Variants in KIF13B observed in about 807,000 individuals in gnomAD.
KIF13B encodes kinesin-like protein KIF13B.
Under a neutral mutation model 222.0 loss-of-function variants are expected in KIF13B, and 127 were observed. The observed-to-expected ratio is 0.57, with a 90% CI of 0.50 to 0.66. The LOEUF is 0.66. Among genes scored for constraint, KIF13B ranks in the 30% least tolerant of loss-of-function variants. The probability of loss-of-function intolerance (pLI) is 0.00; values close to 1 mark genes in which losing one functional copy is unlikely to be tolerated. For synonymous variants in KIF13B, 976 were observed against 919.0 expected (o/e 1.06, Z -1.12); for missense variants, 2,173 against 2,379.0 (o/e 0.91, Z 1.80).
chr8:29,251,044 G>A (rs1259321269), intron 1 of KIF13B, among the ~76,000 whole-genome samples: 2 of 152,054 alleles, frequency 1.3e-5, no homozygotes, highest in South Asian at 2.1e-4. Context: ...CCAGCTACTC[G>A]GGAGGCCAAG....
chr8:29,176,033 A>C, intron 10 of KIF13B, 35 bp downstream of exon 10: 2 of 1,288,378 alleles, frequency 1.6e-6, no homozygotes, highest in East Asian at 4.6e-5. Context: ...CCAACCACCA[A>C]AAGTATGCCA....
Position 29,186,007 on chromosome 8 carries a change from C to T in KIF13B, c.497+285G>A, listed in dbSNP as rs538394311. Reference sequence around the variant, plus strand: ...TGAGAATCTTTAAAAACTCACTGTCCTAAAGACTAGGTTTCATCTCTCTGA... The same window carrying T: ...TGAGAATCTTTAAAAACTCACTGTCTTAAAGACTAGGTTTCATCTCTCTGA... On this transcript the variant is annotated intron_variant, in intron 6 of 39. Transcript: ENST00000524189. Among the ~76,000 whole-genome samples, 5 of 152,250 alleles carry T rather than the reference C, an allele frequency of 3.3e-5. No homozygotes were observed. The South Asian group carries it at 1.0e-3, about 32-fold the overall frequency.
intron 29 of KIF13B, among the ~76,000 whole-genome samples, chr8:29,120,274 A>T (rs1205992856): frequency 1.8e-5 from 2 of 113,200 alleles, no homozygotes; most frequent in Non-Finnish European, 3.5e-5. Flanking sequence ...GGTGCGCTGC[A>T]CCCACTAACG....
intron 2 of KIF13B, among the ~76,000 whole-genome samples, chr8:29,227,574 G>A (rs1815080659): frequency 6.6e-6 from 1 of 152,128 alleles, no homozygotes. Context: ...TGTATTTTAT[G>A]TTTTTGAAAG....
chr8:29,150,415 G>T, intron 14 of KIF13B, 32 bp from the exon 15 acceptor site: 1 of 1,053,386 alleles, frequency 9.5e-7, no homozygotes, highest in South Asian at 1.3e-5. Context: ...CGTGAATGAT[G>T]AGTACAGTAT....
At chr8:29,128,961 C>G (rs1810231549) in intron 24 of KIF13B, among the ~76,000 whole-genome samples, 1 of 152,212 alleles carries the variant, frequency 6.6e-6, no homozygotes, top group African/African-American at 2.4e-5. Context: ...CTTCTGCAAC[C>G]TGTTCTCTTC....
chr8:29,259,496 C>T (rs1816605475), intron 1 of KIF13B, among the ~76,000 whole-genome samples: 1 of 152,210 alleles, frequency 6.6e-6, no homozygotes, highest in East Asian at 1.9e-4. Flanking sequence ...CAGATTTACA[C>T]ACAGGAAATC....
At chr8:29,138,112 G>A (rs1173897768) in intron 21 of KIF13B, among the ~76,000 whole-genome samples, 1 of 152,194 alleles carries the variant, frequency 6.6e-6, no homozygotes, top group Non-Finnish European at 1.5e-5. Flanking sequence ...CACTTCGAGA[G>A]GCTGAGACAG....
At chr8:29,149,411 C>T (rs778396550) in intron 15 of KIF13B, among the ~76,000 whole-genome samples, 3 of 152,166 alleles carry the variant, frequency 2.0e-5, no homozygotes, top group Non-Finnish European at 1.5e-5. Flanking sequence ...TGGAGCACAC[C>T]GACCAGTGAC....
chr8:29,177,031 C>T (rs998160097), intron 9 of KIF13B, among the ~76,000 whole-genome samples: 5 of 152,210 alleles, frequency 3.3e-5, no homozygotes, highest in Non-Finnish European at 7.3e-5. Context: ...TAGCTTTGAT[C>T]CTCTCTATAG....
intron 37 of KIF13B, among the ~76,000 whole-genome samples, chr8:29,092,113 T>C (rs1376305394): frequency 6.6e-6 from 1 of 152,244 alleles, no homozygotes; most frequent in Non-Finnish European, 1.5e-5. Flanking sequence ...AAATAAATCC[T>C]CATTTATCAT....
At chr8:29,150,179 A>G (rs896283255) in intron 15 of KIF13B, 118 bp downstream of exon 15, 6 of 620,524 alleles carry the variant, frequency 9.7e-6, no homozygotes, top group Admixed American at 5.4e-5. Context: ...CAGCAAATAT[A>G]TACGTACACA....
chr8:29,217,945 GCTTTTCCT>G (rs1012831293), intron 2 of KIF13B, among the ~76,000 whole-genome samples: 2 of 152,258 alleles, frequency 1.3e-5, no homozygotes, highest in African/African-American at 4.8e-5. Context: ...AGAGTTTGGT[GCTTTTCCT>G]AAAACCACCT....
intron 10 of KIF13B, among the ~76,000 whole-genome samples, chr8:29,175,251 G>A (rs994340177): frequency 9.2e-5 from 14 of 152,076 alleles, no homozygotes; most frequent in African/African-American, 3.1e-4. Flanking sequence ...ACCTTATGAA[G>A]ACTAAAGGGG....
At chr8:29,198,796 T>C (rs573494892) in intron 2 of KIF13B, among the ~76,000 whole-genome samples, 20 of 152,196 alleles carry the variant, frequency 1.3e-4, no homozygotes, top group Middle Eastern at 3.2e-3. Flanking sequence ...GAGGCCACTA[T>C]TCTAAATGAA....
intron 13 of KIF13B, 98 bp from the exon 14 acceptor site, chr8:29,155,954 T>C: frequency 1.0e-6 from 1 of 963,168 alleles, no homozygotes; most frequent in Non-Finnish European, 1.5e-6. Flanking sequence ...CTATTACCTT[T>C]GCGAAAATTT....
chr8:29,198,747 TA>T (rs551544779), intron 2 of KIF13B, among the ~76,000 whole-genome samples: 198 of 152,302 alleles, frequency 1.3e-3, no homozygotes, highest in Admixed American at 3.1e-3. Context: ...ATGTTTATTG[TA>T]ACACAGTTCC....
At chr8:29,124,743 GC>G (rs1421135854) in intron 26 of KIF13B, among the ~76,000 whole-genome samples, 1 of 152,114 alleles carries the variant, frequency 6.6e-6, no homozygotes, top group Non-Finnish European at 1.5e-5. Flanking sequence ...AATTAGCCAG[GC>G]GTGGTGGCGG....
intron 4 of KIF13B, among the ~76,000 whole-genome samples, chr8:29,188,864 A>G (rs769878195): frequency 2.0e-5 from 3 of 152,210 alleles, no homozygotes; most frequent in South Asian, 2.1e-4. Flanking sequence ...TGCAGAGCCA[A>G]TGAGCTGCTC....
Sources: allele counts gnomAD v4.1 joint callset (sites outside exome capture counted in the v4.1 genomes callset), GRCh38; gene constraint gnomAD v4.1.1; transcripts MANE v1.5; gene names NCBI Gene and HGNC (gene_info 2026-07-23, HGNC 2026-07-21).